TBC1D1: variants seen among roughly 807,000 people sequenced by gnomAD.
The protein encoded by TBC1D1 is TBC1 (tre-2/USP6, BUB2, cdc16) domain family, member 1.
TBC1D1 carries 89 observed loss-of-function variants against 125.6 expected under a neutral mutation model. That is an observed-to-expected ratio of 0.71 (90% CI 0.60 to 0.85). The LOEUF is 0.85. TBC1D1 is among the 40% of genes least tolerant of loss of function. The probability of loss-of-function intolerance (pLI) is 0.00; values close to 1 mark genes in which losing one functional copy is unlikely to be tolerated. For synonymous variants in TBC1D1, 565 were observed against 564.1 expected, an observed-to-expected ratio of 1.00 and a Z score of -0.02; for missense variants, 1,377 against 1,469.2, an observed-to-expected ratio of 0.94 and a Z score of 1.03.
At chr4:38,067,741 CCCTGG>C (rs1355487757) in intron 12 of TBC1D1, among the ~76,000 whole-genome samples, 3 of 152,194 alleles carry the variant, frequency 2.0e-5, no homozygotes, top group African/African-American at 7.2e-5. Context: ...AAGGCTCAGC[CCCTGG>C]TGCAGGTCCC....
chr4:38,055,801 C>G (rs1483701473), intron 12 of TBC1D1, among the ~76,000 whole-genome samples: 1 of 152,204 alleles, frequency 6.6e-6, no homozygotes, highest in African/African-American at 2.4e-5. Flanking sequence ...GCTCTTCCTC[C>G]CAGGTCCTGT....
intron 15 of TBC1D1, chr4:38,110,095 T>A (rs1761968193): frequency 4.0e-6 from 2 of 496,540 alleles, no homozygotes; most frequent in Non-Finnish European, 5.2e-6. Flanking sequence ...GCCCCGTGTT[T>A]GCTGCAAGAG....
At chr4:38,134,414 G>GATAA (rs35497745) in intron 19 of TBC1D1, among the ~76,000 whole-genome samples, 1 of 1,080 alleles carries the variant, frequency 9.3e-4, no homozygotes, top group African/African-American at 5.1e-3. Flanking sequence ...TTTTTCCCCT[G>GATAA]AGATGTCCTA....
chr4:37,906,993 CA>C (rs928228492), intron 2 of TBC1D1, among the ~76,000 whole-genome samples: 8 of 152,172 alleles, frequency 5.3e-5, no homozygotes, highest in Non-Finnish European at 2.9e-5. Flanking sequence ...TGTTAAAAAA[CA>C]AAAGTAATAA....
intron 12 of TBC1D1, among the ~76,000 whole-genome samples, chr4:38,056,240 T>A (rs150527166): frequency 4.1e-4 from 63 of 152,314 alleles, no homozygotes; most frequent in African/African-American, 1.5e-3. Flanking sequence ...CCTTTAGCTC[T>A]CTTCTCCAGG....
In TBC1D1 at chr4:38,137,252, A is replaced by T. The variant is rs1766792823; in HGVS notation, c.3424A>T (p.Thr1142Ser). Reference sequence around the variant, plus strand: ...ACTGGAGCGGTCGGCCCTGCTGCAGACGGTGGAGGAGCTGCGGCGGCGGAG... The same window carrying T: ...ACTGGAGCGGTCGGCCCTGCTGCAGTCGGTGGAGGAGCTGCGGCGGCGGAG... The change falls in exon 20 of 20, where the codon ACG (threonine) becomes TCG (serine). Residue 1142 changes from threonine to serine, a missense_variant. By Grantham distance (58) the Thr-to-Ser change is moderately conservative (BLOSUM62 1). Transcript: ENST00000261439. 2.5e-6 allele frequency: 4 copies of T among 1,612,042 alleles called. No individual in the cohort carries two copies. The highest frequency in any genetic ancestry group is 3.4e-6 in the Non-Finnish European group (4 of 1,180,006).
chr4:37,999,976 T>C (rs987684204), intron 2 of TBC1D1, among the ~76,000 whole-genome samples: 1 of 152,238 alleles, frequency 6.6e-6, no homozygotes, highest in African/African-American at 2.4e-5. Flanking sequence ...CTGGTATTGA[T>C]GAAGAATTTA....
intron 13 of TBC1D1, 86 bp downstream of exon 15, chr4:38,090,203 A>T: frequency 5.4e-6 from 7 of 1,305,020 alleles, no homozygotes; most frequent in African/African-American, 1.5e-5. Context: ...TGCTGTCTTA[A>T]AAATACAGCA....
At chr4:37,988,187 C>A (rs1280676353) in intron 2 of TBC1D1, among the ~76,000 whole-genome samples, 1 of 152,198 alleles carries the variant, frequency 6.6e-6, no homozygotes, top group Admixed American at 6.5e-5. Flanking sequence ...GTTTCCAATA[C>A]ATTTTTTGAC....
At position 37,980,031 on chromosome 4, in the gene TBC1D1, G is replaced by A. The variant is rs545663734; in HGVS notation, c.418-34478G>A. Among the ~76,000 whole-genome samples the A allele has an allele frequency of 9.9e-5, 15 of 152,244 alleles. No homozygotes were observed. The East Asian group carries it at 2.5e-3, about 26-fold the overall frequency. Reference sequence around the variant, plus strand: ...CGACCTCAGGTGATCCACCTGCCTCGGCCTCCCAAAGTGCTGGGATTACAG... The same window carrying A: ...CGACCTCAGGTGATCCACCTGCCTCAGCCTCCCAAAGTGCTGGGATTACAG... On this transcript the variant is annotated intron_variant, in intron 2 of 19. Transcript: ENST00000261439.
At position 38,100,984 on chromosome 4, in the gene TBC1D1, G is replaced by A. The variant is rs149783515; in HGVS notation, c.2399-2015G>A. On this transcript the variant is annotated intron_variant, in intron 14 of 19. Transcript: ENST00000261439. ...CAGCATCCCTGGGCTGTCACTCACCGGCCTAATGACCTAGGGCAAGGGACC... is the reference window on the plus strand; with the variant it reads ...CAGCATCCCTGGGCTGTCACTCACCAGCCTAATGACCTAGGGCAAGGGACC... 2.3e-3 allele frequency among the ~76,000 whole-genome samples: 349 copies of A among 152,204 alleles called. 2 individuals are homozygous for A. Among genetic ancestry groups the A allele is most frequent in the African/African-American group, 7.6e-3 (316 of 41,518 alleles).
intron 2 of TBC1D1, among the ~76,000 whole-genome samples, chr4:37,966,517 C>G (rs1399403200): frequency 5.9e-5 from 9 of 152,202 alleles, no homozygotes; most frequent in Non-Finnish European, 1.3e-4. Context: ...CCTATCAAGG[C>G]CAATGGACAT....
intron 12 of TBC1D1, among the ~76,000 whole-genome samples, chr4:38,083,267 A>G (rs1162928940): frequency 6.6e-6 from 1 of 152,208 alleles, no homozygotes; most frequent in African/African-American, 2.4e-5. Flanking sequence ...TTTCTAACCA[A>G]TTAATATGTG....
intron 2 of TBC1D1, among the ~76,000 whole-genome samples, chr4:37,930,969 A>G (rs1577913010): frequency 1.3e-5 from 2 of 152,370 alleles, no homozygotes; most frequent in South Asian, 4.1e-4. Context: ...ATGGAGAAAG[A>G]ATGGATTAGG....
intron 16 of TBC1D1, among the ~76,000 whole-genome samples, chr4:38,116,476 T>C (rs1445262556): frequency 6.6e-6 from 1 of 152,246 alleles, no homozygotes. Flanking sequence ...TGATTTCTTT[T>C]GCACAACACA....
chr4:37,976,203 C>G (rs1733034685), intron 2 of TBC1D1, among the ~76,000 whole-genome samples: 1 of 152,200 alleles, frequency 6.6e-6, no homozygotes, highest in Non-Finnish European at 1.5e-5. Flanking sequence ...GGCCCTGAGT[C>G]CAGCAGCTTG....
In TBC1D1 at chr4:37,940,582, G is replaced by A. The variant is rs185550849; in HGVS notation, c.417+38070G>A. On this transcript the variant is annotated intron_variant, in intron 2 of 19. Transcript: ENST00000261439. ...TATGTTGAACAAGAGTGGTGAGAGA[G>A]GGCATCCCTGTCTTGTGCCAGTTTT... Among the ~76,000 whole-genome samples, 74 of 152,304 alleles carry A rather than the reference G, an allele frequency of 4.9e-4. 1 individual carries two copies. The highest frequency in any genetic ancestry group is 2.0e-3 in the Admixed American group (31 of 15,288).
intron 19 of TBC1D1, among the ~76,000 whole-genome samples, chr4:38,136,395 AG>A (rs1766622857): frequency 6.6e-6 from 1 of 152,162 alleles, no homozygotes; most frequent in African/African-American, 2.4e-5. Flanking sequence ...ACCTCTTAGC[AG>A]AACACTTGGC....
In TBC1D1 at chr4:37,960,584, C is replaced by T. The variant is rs141565302; in HGVS notation, c.418-53925C>T. On this transcript the variant is annotated intron_variant, in intron 2 of 19. Transcript: ENST00000261439. ...TAACACGACGTTTTGGCAAAACATACGATGCTCCATCAGCCTTACCTAAAG... is the reference window on the plus strand; with the variant it reads ...TAACACGACGTTTTGGCAAAACATATGATGCTCCATCAGCCTTACCTAAAG... 2.8e-4 allele frequency: 444 copies of T among 1,614,124 alleles called. 1 individual carries two copies. The African/African-American group carries it at 4.3e-3, about 16-fold the overall frequency.
Sources: allele counts gnomAD v4.1 joint callset (sites outside exome capture counted in the v4.1 genomes callset), GRCh38; gene constraint gnomAD v4.1.1; transcripts MANE v1.5; gene names NCBI Gene and HGNC (gene_info 2026-07-23, HGNC 2026-07-21).